The following ACKR2 variants were observed in gnomAD, a reference collection of about 807,000 sequenced individuals.
ACKR2 encodes atypical chemokine receptor 2, also known as C-C chemokine receptor D6.
For missense variants in ACKR2, 457 were observed against 477.3 expected (o/e 0.96, Z 0.40); for synonymous variants, 207 against 192.2 (o/e 1.08, Z -0.64).
At chr3:42,822,545 A>G (rs1316324053) in intron 2 of ACKR2, among the ~76,000 whole-genome samples, 4 of 152,196 alleles carry the variant, frequency 2.6e-5, no homozygotes, top group African/African-American at 9.6e-5. Flanking sequence ...GGAAGAATAC[A>G]ACAGGCACAG....
At chr3:42,834,375 T>C (rs1700964728) in intron 2 of ACKR2, among the ~76,000 whole-genome samples, 1 of 152,124 alleles carries the variant, frequency 6.6e-6, no homozygotes, top group African/African-American at 2.4e-5. Context: ...TTGTGTGTTT[T>C]CTTTTTTTTC....
chr3:42,847,069 G>GTGATAA (rs1416244163), intron 2 of ACKR2, among the ~76,000 whole-genome samples: 5 of 152,238 alleles, frequency 3.3e-5, no homozygotes, highest in African/African-American at 9.6e-5. Context: ...CAAAATGGAT[G>GTGATAA]TGATAACTTC....
chr3:42,865,403 G>A lies in ACKR2; in HGVS notation c.901G>A (p.Ala301Thr), dbSNP rs1350292551. The change falls in exon 3 of 3, where the codon GCC becomes ACC. Residue 301 changes from alanine (A) to threonine (T), a missense_variant. Transcript: ENST00000422265. Reference sequence around the variant, plus strand: ...CGCACTCCAGGTAACAGAGAGCATCGCCTTCCTTCACTGCTGCTTTTCCCC... The same window carrying A: ...CGCACTCCAGGTAACAGAGAGCATCACCTTCCTTCACTGCTGCTTTTCCCC... ...DYALQVTESI[A>T]FLHCCFSPIL... is the part of the protein sequence containing the mutation. The A allele has an allele frequency of 3.7e-6, 6 of 1,614,138 alleles. No individual in the cohort carries two copies. The highest frequency in any genetic ancestry group is 5.1e-6 in the Non-Finnish European group (6 of 1,180,016).
At chr3:42,855,291 G>C (rs2088301552) in intron 2 of ACKR2, among the ~76,000 whole-genome samples, 1 of 152,194 alleles carries the variant, frequency 6.6e-6, no homozygotes, top group Non-Finnish European at 1.5e-5. Flanking sequence ...GATGCAACTT[G>C]ACTAGTGACC....
intron 2 of ACKR2, among the ~76,000 whole-genome samples, chr3:42,848,734 A>G (rs534396289): frequency 2.3e-4 from 35 of 152,332 alleles, no homozygotes; most frequent in Non-Finnish European, 3.7e-4. Context: ...TACAAAAGGT[A>G]AATAGTAATT....
chr3:42,854,004 GC>G (rs1701191513), intron 2 of ACKR2, among the ~76,000 whole-genome samples: 1 of 152,126 alleles, frequency 6.6e-6, no homozygotes, highest in Non-Finnish European at 1.5e-5. Flanking sequence ...TGTGCTTTCA[GC>G]CCCTGAGGGA....
chr3:42,815,789 A>G (rs1261083966), intron 1 of ACKR2, among the ~76,000 whole-genome samples: 1 of 152,200 alleles, frequency 6.6e-6, no homozygotes, highest in African/African-American at 2.4e-5. Context: ...TATGCATTCC[A>G]GAACATTAAT....
intron 1 of ACKR2, among the ~76,000 whole-genome samples, chr3:42,813,358 A>G (rs1390245266): frequency 6.6e-6 from 1 of 152,218 alleles, no homozygotes; most frequent in Non-Finnish European, 1.5e-5. Context: ...AGAAAGAACT[A>G]CCTGAGACTG....
intron 2 of ACKR2, chr3:42,835,542 G>A (rs1450592351): frequency 6.6e-6 from 1 of 152,128 alleles, no homozygotes; most frequent in African/African-American, 2.4e-5. Context: ...TTCGTGTTGT[G>A]ATAAATTCTG....
chr3:42,859,849 G>A (rs933608932), intron 2 of ACKR2, among the ~76,000 whole-genome samples: 2 of 151,930 alleles, frequency 1.3e-5, no homozygotes, highest in African/African-American at 2.4e-5. Flanking sequence ...ACTAAACATG[G>A]AAAGAACAAA....
intron 1 of ACKR2, among the ~76,000 whole-genome samples, chr3:42,813,998 T>C (rs1339517869): frequency 1.3e-5 from 2 of 152,222 alleles, no homozygotes; most frequent in Admixed American, 1.3e-4. Context: ...AACATCTGTT[T>C]ATGCCTAGTT....
intron 2 of ACKR2, among the ~76,000 whole-genome samples, chr3:42,840,933 G>A (rs971201273): frequency 6.6e-6 from 1 of 152,048 alleles, no homozygotes; most frequent in African/African-American, 2.4e-5. Flanking sequence ...CAGGCAATCC[G>A]CCCACCTCGG....
intron 2 of ACKR2, among the ~76,000 whole-genome samples, chr3:42,846,445 G>A (rs922558432): frequency 6.6e-6 from 1 of 152,214 alleles, no homozygotes; most frequent in African/African-American, 2.4e-5. Context: ...AGGGTCACCT[G>A]CAAACACCAA....
At chr3:42,862,099 G>A (rs948392860) in intron 2 of ACKR2, among the ~76,000 whole-genome samples, 2 of 152,200 alleles carry the variant, frequency 1.3e-5, no homozygotes, top group Admixed American at 6.5e-5. Flanking sequence ...TGACATGATT[G>A]TATATTTAGA....
chr3:42,853,754 G>T (rs1575390022), intron 2 of ACKR2, among the ~76,000 whole-genome samples: 1 of 152,070 alleles, frequency 6.6e-6, no homozygotes, highest in East Asian at 1.9e-4. Flanking sequence ...GTAAATGTGA[G>T]GATTAAATAA....
intron 2 of ACKR2, among the ~76,000 whole-genome samples, chr3:42,830,833 C>T (rs1316837282): frequency 6.6e-6 from 1 of 151,970 alleles, no homozygotes; most frequent in East Asian, 1.9e-4. Flanking sequence ...TCTATATCCC[C>T]TTAGGCTAGA....
intron 2 of ACKR2, among the ~76,000 whole-genome samples, chr3:42,836,315 C>T (rs1007725762): frequency 1.6e-4 from 24 of 152,208 alleles, no homozygotes; most frequent in African/African-American, 5.3e-4. Context: ...AACCCTAGAG[C>T]TGCAATTCCA....
chr3:42,822,450 T>C (rs1700817514), intron 2 of ACKR2, among the ~76,000 whole-genome samples: 2 of 152,284 alleles, frequency 1.3e-5, no homozygotes, highest in Admixed American at 1.3e-4. Flanking sequence ...CTTTTCCTAG[T>C]ACTTGTATTT....
chr3:42,860,186 A>AAAAAAAAAAAAC (rs1253622421), intron 2 of ACKR2, among the ~76,000 whole-genome samples: 1 of 145,736 alleles, frequency 6.9e-6, no homozygotes, highest in Admixed American at 6.9e-5. Context: ...AAAAAAAAAA[A>AAAAAAAAAAAAC]AAAGCAGGGG....
Sources: allele counts gnomAD v4.1 joint callset (sites outside exome capture counted in the v4.1 genomes callset), GRCh38; gene constraint gnomAD v4.1.1; transcripts MANE v1.5; gene names NCBI Gene and HGNC (gene_info 2026-07-23, HGNC 2026-07-21).